MEI4: variants seen among roughly 807,000 people sequenced by gnomAD.
MEI4 encodes the protein meiotic double-stranded break formation protein 4.
Under a neutral mutation model 31.4 loss-of-function variants are expected in MEI4, and 27 were observed. The observed-to-expected ratio is 0.86, with a 90% CI of 0.63 to 1.19. MEI4 has a LOEUF of 1.19. Among genes scored for constraint, MEI4 ranks in the 50% most tolerant of loss-of-function variants. The pLI is 0.00. For synonymous variants in MEI4, 122 were observed against 145.4 expected, an observed-to-expected ratio of 0.84 and a Z score of 1.16; for missense variants, 329 against 398.9, an observed-to-expected ratio of 0.82 and a Z score of 1.49.
At chr6:77,831,199 C>A (rs1375769172) in intron 4 of MEI4, among the ~76,000 whole-genome samples, 1 of 144,302 alleles carries the variant, frequency 6.9e-6, no homozygotes, top group East Asian at 2.0e-4. Flanking sequence ...CAAATCAAAA[C>A]CACAATGAGA....
chr6:77,773,417 A>G (rs535546428), intron 3 of MEI4, among the ~76,000 whole-genome samples: 2 of 152,206 alleles, frequency 1.3e-5, no homozygotes, highest in Admixed American at 1.3e-4. Flanking sequence ...AAAGGTGGCA[A>G]GAACATACAC....
rs578219077 is a variant in MEI4, at chr6:77,694,231, G to A, written c.232+3328G>A. 1.2e-3 allele frequency among the ~76,000 whole-genome samples: 189 copies of A among 151,332 alleles called. 3 individuals are homozygous for A. Among genetic ancestry groups the A allele is most frequent in the Non-Finnish European group, 6.8e-4 (46 of 67,720 alleles). ...TGTAACTGGGTGCCTGGGCAGCCGC[G>A]TTTCTTTTTCTTTTTATTATTTATT... On this transcript the variant is annotated intron_variant, in intron 2 of 4. Transcript: ENST00000684080.
intron 1 of MEI4, among the ~76,000 whole-genome samples, chr6:77,663,284 C>T (rs955181170): frequency 1.3e-5 from 2 of 152,036 alleles, no homozygotes; most frequent in African/African-American, 2.4e-5. Flanking sequence ...TTAAAGCATG[C>T]TGTGGGATGG....
At chr6:77,782,248 T>G (rs1768612991) in intron 3 of MEI4, among the ~76,000 whole-genome samples, 1 of 152,126 alleles carries the variant, frequency 6.6e-6, no homozygotes, top group Non-Finnish European at 1.5e-5. Flanking sequence ...CCATTTTGAC[T>G]AGGCACCCTA....
chr6:77,790,888 T>C (rs1768905435), intron 3 of MEI4, among the ~76,000 whole-genome samples: 1 of 152,006 alleles, frequency 6.6e-6, no homozygotes, highest in South Asian at 2.1e-4. Flanking sequence ...AACAGACACT[T>C]CTCAAAAGAA....
At chr6:77,684,264 A>G (rs1769012052) in intron 1 of MEI4, among the ~76,000 whole-genome samples, 1 of 151,176 alleles carries the variant, frequency 6.6e-6, no homozygotes. Flanking sequence ...TTTTGTGGGT[A>G]CATAGTAGGT....
intron 4 of MEI4, among the ~76,000 whole-genome samples, chr6:77,830,037 A>T (rs1770041607): frequency 6.6e-6 from 1 of 152,104 alleles, no homozygotes; most frequent in Non-Finnish European, 1.5e-5. Context: ...AGGAGTAAAA[A>T]GTAAGCTATA....
chr6:77,663,527 T>G (rs1212204347), intron 1 of MEI4, among the ~76,000 whole-genome samples: 2 of 152,202 alleles, frequency 1.3e-5, no homozygotes, highest in East Asian at 3.9e-4. Flanking sequence ...TGTCTCAGCC[T>G]AATAAGGGAA....
intron 4 of MEI4, among the ~76,000 whole-genome samples, chr6:77,876,225 A>T (rs547096691): frequency 1.8e-4 from 27 of 152,314 alleles, no homozygotes; most frequent in Admixed American, 1.6e-3. Flanking sequence ...CCAAATGTTC[A>T]TGTGTTAAAA....
Position 77,924,617 on chromosome 6 carries a change from T to TCTTGCTAA in MEI4, c.*1272_*1279dup, listed in dbSNP as rs1434418035. On this transcript the variant is annotated 3_prime_UTR_variant, in exon 5 of 5. Coordinates refer to ENST00000684080, the MANE Select transcript of MEI4 (RefSeq NM_001322247.2). The stretch of plus-strand genomic sequence containing the variant: ...GTTGCACATACCACAGGAATAGGCT[T>TCTTGCTAA]CTTGCTAAAAGTCAGGCTTTCTTCT... 5 of 151,856 alleles carry TCTTGCTAA rather than the reference T, an allele frequency of 3.3e-5. No individual in the cohort carries two copies. In the Admixed American group the frequency reaches 3.3e-4, roughly 10 times the overall value. 9.4% of individuals were successfully genotyped at this position (151,856 alleles called of 1,614,324 possible).
intron 4 of MEI4, among the ~76,000 whole-genome samples, chr6:77,873,101 A>G (rs924834899): frequency 1.2e-4 from 18 of 152,026 alleles, no homozygotes; most frequent in African/African-American, 4.4e-4. Flanking sequence ...CATGATTTAT[A>G]GCAGCATGAT....
chr6:77,817,902 C>T (rs1769724501), intron 3 of MEI4, among the ~76,000 whole-genome samples: 1 of 152,166 alleles, frequency 6.6e-6, no homozygotes, highest in African/African-American at 2.4e-5. Flanking sequence ...CCTTGTGTCA[C>T]TCACTTAGGC....
At chr6:77,877,813 T>C (rs1771380922) in intron 4 of MEI4, among the ~76,000 whole-genome samples, 1 of 151,530 alleles carries the variant, frequency 6.6e-6, no homozygotes, top group Non-Finnish European at 1.5e-5. Context: ...AAAAGTTTTA[T>C]TCTTATTGAG....
chr6:77,675,055 A>G (rs905647225), intron 1 of MEI4, among the ~76,000 whole-genome samples: 3 of 151,420 alleles, frequency 2.0e-5, no homozygotes, highest in Non-Finnish European at 4.4e-5. Context: ...CAATTTATTT[A>G]GTTGTTTTAT....
At chr6:77,889,400 T>C (rs551178568) in intron 4 of MEI4, among the ~76,000 whole-genome samples, 3 of 152,304 alleles carry the variant, frequency 2.0e-5, no homozygotes, top group African/African-American at 4.8e-5. Flanking sequence ...AATCTTGCTA[T>C]ACTTTAGCAA....
At chr6:77,871,035 A>T (rs1020987113) in intron 4 of MEI4, among the ~76,000 whole-genome samples, 1 of 152,296 alleles carries the variant, frequency 6.6e-6, no homozygotes, top group African/African-American at 2.4e-5. Context: ...TCATATTTGC[A>T]TGCTTATTTT....
At chr6:77,665,536 C>T (rs2127643776) in intron 1 of MEI4, among the ~76,000 whole-genome samples, 1 of 152,220 alleles carries the variant, frequency 6.6e-6, no homozygotes, top group East Asian at 2.0e-4. Context: ...GGTACTTGCC[C>T]CTTCCCCAGA....
chr6:77,867,212 A>G (rs564832170), intron 4 of MEI4, among the ~76,000 whole-genome samples: 22 of 152,336 alleles, frequency 1.4e-4, no homozygotes, highest in African/African-American at 5.0e-4. Flanking sequence ...ACAAAAGCCA[A>G]AATTGACAAA....
At chr6:77,739,221 C>T (rs141916761) in intron 2 of MEI4, among the ~76,000 whole-genome samples, 61 of 151,984 alleles carry the variant, frequency 4.0e-4, no homozygotes, top group African/African-American at 1.4e-3. Context: ...TTGAGTTTTA[C>T]CTTTAAGTCT....
Sources: gnomAD v4.1 joint callset for allele counts (sites outside exome capture counted in the v4.1 genomes callset) on GRCh38, gnomAD v4.1.1 for gene constraint, MANE v1.5 for transcripts, NCBI Gene and HGNC (gene_info 2026-07-23, HGNC 2026-07-21) for gene names.